The following PCNX4 variants were observed in gnomAD, a reference collection of about 807,000 sequenced individuals.
PCNX4 encodes the protein pecanex 4, also known as pecanex-like protein 4.
Under a neutral mutation model 107.2 loss-of-function variants are expected in PCNX4, and 103 were observed. The ratio of observed to expected loss-of-function variants is 0.96; its 90% CI spans 0.82 to 1.13. The LOEUF (loss-of-function observed/expected upper bound fraction) is 1.13, where lower values mean the gene tolerates loss of function less well. Ranked by LOEUF, PCNX4 falls within the 50% of genes most tolerant of loss-of-function variation. The pLI is 0.00. For synonymous variants in PCNX4, 541 were observed against 481.7 expected (o/e 1.12, Z -1.61); for missense variants, 1,528 against 1,379.4 (o/e 1.11, Z -1.71).
intron 1 of PCNX4, among the ~76,000 whole-genome samples, chr14:60,092,990 C>T (rs1039554620): frequency 1.3e-5 from 2 of 152,168 alleles, no homozygotes; most frequent in Non-Finnish European, 2.9e-5. Flanking sequence ...TTAAATCATT[C>T]CTGCAGTTAG....
In PCNX4 at chr14:60,115,182, A is replaced by G. The variant is rs769943318; in HGVS notation, c.1078A>G (p.Ile360Val). The change falls in exon 4 of 11, where the codon ATC (isoleucine) becomes GTC (valine). Residue 360 changes from isoleucine (I) to valine (V), a missense_variant. Coordinates refer to ENST00000406854, the MANE Select transcript of PCNX4 (RefSeq NM_001330177.2). ...TTCATGGAAGGAATGCCTTTTCTAC[A>G]TCATTATATTAGTCTTGGCTCTTTT... is the stretch of plus-strand genomic sequence containing the variant. ...HFSWKECLFY[I>V]IILVLALLET... 1 of 1,613,528 alleles carries G rather than the reference A, an allele frequency of 6.2e-7. No individual in the cohort carries two copies. Among genetic ancestry groups the G allele is most frequent in the Non-Finnish European group, 8.5e-7 (1 of 1,179,488 alleles).
intron 1 of PCNX4, among the ~76,000 whole-genome samples, chr14:60,102,773 G>A (rs160228): frequency 0.74 from 112,476 of 152,054 alleles, 44,034 homozygotes; most frequent in Non-Finnish European, 0.87. Flanking sequence ...GGAATTAATA[G>A]TCTTTCAGAA....
chr14:60,131,292 C>A (rs557232765), intron 10 of PCNX4, among the ~76,000 whole-genome samples: 1 of 152,300 alleles, frequency 6.6e-6, no homozygotes, highest in South Asian at 2.1e-4. Flanking sequence ...CTATTCACAG[C>A]TGACATGATC....
In PCNX4 at chr14:60,125,000, G is replaced by A. The variant is rs149059751; in HGVS notation, c.2829G>A (p.Arg943=). ...AAGACTGGTACCAATTTGTTCTAAG[G>A]CAGTTGGAATGTTATCATTCAGAAG... The part of the protein sequence containing the change: ...FPEDWYQFVL[R]QLECYHSEEK... Residue 943 remains arginine, a synonymous_variant, in exon 9 of 11, where the codon AGG becomes AGA. Transcript: ENST00000406854. The A allele has an allele frequency of 4.3e-6, 7 of 1,613,792 alleles. No individual in the cohort carries two copies. Among genetic ancestry groups the A allele is most frequent in the Non-Finnish European group, 4.2e-6 (5 of 1,179,732 alleles).
In PCNX4 at chr14:60,144,798, A is replaced by C. The variant is rs1896355287; in HGVS notation, c.*10577A>C. 1 of 632,634 alleles carries C rather than the reference A, an allele frequency of 1.6e-6. No homozygotes were observed. Among genetic ancestry groups the C allele is most frequent in the African/African-American group, 1.9e-5 (1 of 52,962 alleles). 39.2% of individuals were successfully genotyped at this position (632,634 alleles called of 1,614,324 possible). A position where few individuals can be genotyped will look rare whatever the true frequency, so the allele number is the denominator to read the frequency against. ...ATACCTTTTTTGCAAGATTCATGGCAATCTTTTATTATTTATTTTTTATTT... is the reference window on the plus strand; with the variant it reads ...ATACCTTTTTTGCAAGATTCATGGCCATCTTTTATTATTTATTTTTTATTT... On this transcript the variant is annotated 3_prime_UTR_variant, in exon 11 of 11. Transcript: ENST00000406854.
At position 60,115,499 on chromosome 14, in the gene PCNX4, C is replaced by T. The variant is rs748049557; in HGVS notation, c.1357+38C>T. 4.7e-6 allele frequency: 7 copies of T among 1,500,688 alleles called. No individual in the cohort carries two copies. The African/African-American group carries it at 7.0e-5, about 15-fold the overall frequency. The allele number at this position is 1,500,688 out of a possible 1,614,324, so 93.0% of individuals were successfully genotyped here. On this transcript the variant is annotated intron_variant, in intron 4 of 10. Transcript: ENST00000406854. ...AGTCTATTAACCTTGTGTTACAAAT[C>T]ATATCCTGGAAGTATTCAAAAATAT... is the stretch of plus-strand genomic sequence containing the variant.
intron 1 of PCNX4, among the ~76,000 whole-genome samples, chr14:60,101,266 T>G (rs1222332851): frequency 6.6e-6 from 1 of 152,212 alleles, no homozygotes; most frequent in Non-Finnish European, 1.5e-5. Context: ...AAGCTGTACC[T>G]TAGCCACCTT....
intron 1 of PCNX4, among the ~76,000 whole-genome samples, chr14:60,100,834 G>A (rs1019292379): frequency 1.5e-4 from 23 of 152,110 alleles, no homozygotes; most frequent in African/African-American, 4.1e-4. Flanking sequence ...ATATTTCCTT[G>A]CCATACCTTG....
chr14:60,145,224 T>G lies in PCNX4; in HGVS notation c.*11003T>G. On this transcript the variant is annotated 3_prime_UTR_variant, in exon 11 of 11. Transcript: ENST00000406854. The surrounding 1 kb of genome is among the most constrained non-coding windows in gnomAD (Gnocchi z 4.0). ...AGTACTTCTAATGAGTTTAGCATCA[T>G]CTCTGGTTTAGAGGAGGTATAAATA... 1 of 406,292 alleles carries G rather than the reference T, an allele frequency of 2.5e-6. No individual in the cohort carries two copies. Among genetic ancestry groups the G allele is most frequent in the East Asian group, 4.0e-5 (1 of 25,298 alleles). The allele number at this position is 406,292 out of a possible 1,614,324, so 25.2% of individuals were successfully genotyped here.
rs544801659 is a variant in PCNX4, at chr14:60,121,389, A to C, written c.2046+90A>C. 90 of 1,339,820 alleles carry C rather than the reference A, an allele frequency of 6.7e-5. 1 individual carries two copies. In the African/African-American group the frequency reaches 1.2e-3, roughly 18 times the overall value. The allele number at this position is 1,339,820 out of a possible 1,614,324, so 83.0% of individuals were successfully genotyped here. On this transcript the variant is annotated intron_variant, in intron 8 of 10. Transcript: ENST00000406854. ...GTTCACATCAAACACTCAATTTGAA[A>C]GAAGAATATCTTTTCAATTACCTGT...
chr14:60,103,236 A>T (rs1895566530), intron 1 of PCNX4, among the ~76,000 whole-genome samples: 1 of 152,226 alleles, frequency 6.6e-6, no homozygotes. Flanking sequence ...TTCTTAAAGT[A>T]GTTTCCATAA....
At chr14:60,106,058 G>A (rs558058381) in intron 1 of PCNX4, among the ~76,000 whole-genome samples, 2 of 152,180 alleles carry the variant, frequency 1.3e-5, no homozygotes, top group African/African-American at 4.8e-5. Context: ...CCTGACGTCA[G>A]TGCAGGAGAC....
chr14:60,115,882 A>G (rs2140550258), intron 5 of PCNX4, 59 bp from the exon 6 acceptor site: 1 of 1,589,076 alleles, frequency 6.3e-7, no homozygotes, highest in East Asian at 2.3e-5. Context: ...ATTTTGTTTA[A>G]TAGTTTGCTT....
At chr14:60,094,323 C>CG (rs1895377657) in intron 1 of PCNX4, among the ~76,000 whole-genome samples, 1 of 152,044 alleles carries the variant, frequency 6.6e-6, no homozygotes, top group Admixed American at 6.6e-5. Flanking sequence ...CCTATTCCCC[C>CG]AAGTTATCCT....
At position 60,114,887 on chromosome 14, in the gene PCNX4, T is replaced by A. The variant is rs1258135075; in HGVS notation, c.869+8T>A. 1 of 1,589,474 alleles carries A rather than the reference T, an allele frequency of 6.3e-7. No individual in the cohort carries two copies. The highest frequency in any genetic ancestry group is 8.5e-7 in the Non-Finnish European group (1 of 1,171,878). ...TATGTCAACCCACTTACGGTATTTA[T>A]TTTTAAATATTGATGTTATATGTAA... On this transcript the variant is annotated splice_region_variant and intron_variant, in intron 3 of 10. Coordinates refer to ENST00000406854, the MANE Select transcript of PCNX4 (RefSeq NM_001330177.2).
intron 1 of PCNX4, among the ~76,000 whole-genome samples, chr14:60,098,822 C>T (rs1388690362): frequency 6.6e-6 from 1 of 151,866 alleles, no homozygotes; most frequent in African/African-American, 2.4e-5. Flanking sequence ...CCTGTAATCC[C>T]AGCTACTCCG....
intron 1 of PCNX4, among the ~76,000 whole-genome samples, chr14:60,101,024 C>T (rs374227477): frequency 1.2e-4 from 19 of 152,316 alleles, no homozygotes; most frequent in Admixed American, 9.1e-4. Context: ...TCTCTGAGAG[C>T]TTCCTCTGCA....
chr14:60,098,068 A>T (rs890714200), intron 1 of PCNX4, among the ~76,000 whole-genome samples: 92 of 152,218 alleles, frequency 6.0e-4, no homozygotes, highest in African/African-American at 2.1e-3. Flanking sequence ...AAAGGGCATC[A>T]GCCTTATGGT....
intron 1 of PCNX4, among the ~76,000 whole-genome samples, chr14:60,097,225 C>T (rs1895442196): frequency 6.6e-6 from 1 of 152,158 alleles, no homozygotes; most frequent in Admixed American, 6.5e-5. Context: ...TGCCCGGAAT[C>T]CTTCACCCCA....
Sources: gnomAD v4.1 joint callset for allele counts (sites outside exome capture counted in the v4.1 genomes callset) on GRCh38, gnomAD v4.1.1 for gene constraint, Gnocchi (gnomAD v3.1) non-coding constraint, MANE v1.5 for transcripts, NCBI Gene and HGNC (gene_info 2026-07-23, HGNC 2026-07-21) for gene names.